ITPR3: variants seen among roughly 807,000 people sequenced by gnomAD.
ITPR3 encodes the protein inositol 1,4,5-trisphosphate receptor type 3.
Under a neutral mutation model 293.2 loss-of-function variants are expected in ITPR3, and 173 were observed. The ratio of observed to expected loss-of-function variants is 0.59; its 90% confidence interval spans 0.52 to 0.67. The LOEUF (loss-of-function observed/expected upper bound fraction) is 0.67, where lower values mean the gene tolerates loss of function less well. Among genes scored for constraint, ITPR3 ranks in the 30% least tolerant of loss-of-function variants. The pLI is 0.00. For synonymous variants in ITPR3, 1,295 were observed against 1,444.4 expected (o/e 0.90, Z 2.35); for missense variants, 2,796 against 3,592.1 (o/e 0.78, Z 5.66).
Position 33,672,925 on chromosome 6 carries a change from A to G in ITPR3, c.2929-666A>G, listed in dbSNP as rs1335225979. 6.6e-6 allele frequency among the ~76,000 whole-genome samples: 1 copy of G among 152,102 alleles called. No individual in the cohort carries two copies. Among genetic ancestry groups the G allele is most frequent in the African/African-American group, 2.4e-5 (1 of 41,426 alleles). ...GGCTCATCCCCGAGGAGGGATGAGGATGCTTGCTTTTGCCTTGCTGTCACC... is the reference window on the plus strand; with the variant it reads ...GGCTCATCCCCGAGGAGGGATGAGGGTGCTTGCTTTTGCCTTGCTGTCACC... On this transcript the variant is annotated intron_variant, in intron 22 of 57. Coordinates refer to ENST00000605930, the MANE Select transcript of ITPR3 (RefSeq NM_002224.4). The surrounding 1 kb of genome is among the most constrained non-coding windows in gnomAD (Gnocchi z 5.0).
chr6:33,645,375 G>A (rs1294919183), intron 2 of ITPR3, among the ~76,000 whole-genome samples: 1 of 152,134 alleles, frequency 6.6e-6, no homozygotes, highest in Non-Finnish European at 1.5e-5. Context: ...AATAAATTCA[G>A]TACTGTTTTT....
chr6:33,673,625 C>T lies in ITPR3; in HGVS notation c.2963C>T (p.Ser988Phe). The T allele has an allele frequency of 1.2e-6, 2 of 1,614,212 alleles. No individual in the cohort carries two copies. Among genetic ancestry groups the T allele is most frequent in the East Asian group, 2.2e-5 (1 of 44,882 alleles). ...ILNVRLDYRI[S>F]YLLSVFKKEF... Reference sequence around the variant, plus strand: ...AATGTCCGCCTGGATTACCGCATATCCTACCTGCTGTCTGTCTTCAAGAAG... The same window carrying T: ...AATGTCCGCCTGGATTACCGCATATTCTACCTGCTGTCTGTCTTCAAGAAG... Residue 988 changes from serine to phenylalanine, a missense_variant, in exon 23 of 58, where the codon TCC (serine) becomes TTC (phenylalanine). Physicochemically the swap from Ser to Phe is radical, Grantham distance 155. This residue lies in a region of ITPR3 where 955 missense variants were observed against 1,180.8 expected (regional missense o/e 0.81). Transcript: ENST00000605930.
In ITPR3 at chr6:33,633,338, G is replaced by T. The variant is rs535214693; in HGVS notation, c.90-7146G>T. Among the ~76,000 whole-genome samples the T allele has an allele frequency of 5.9e-5, 9 of 152,326 alleles. No homozygotes were observed. The South Asian group carries it at 1.7e-3, about 28-fold the overall frequency. ...CCTTGTGGGGAGGCGTTGGCGAGAG[G>T]GGGGTGAAGCGAAGCGGCCACTTAC... is the stretch of plus-strand genomic sequence containing the variant. On this transcript the variant is annotated intron_variant, in intron 1 of 57. Transcript: ENST00000605930. The surrounding 1 kb of genome is among the most constrained non-coding windows in gnomAD (Gnocchi z 5.2).
chr6:33,628,722 C>G (rs6921216), intron 1 of ITPR3, among the ~76,000 whole-genome samples: 130,847 of 152,160 alleles, frequency 0.86, 56,344 homozygotes, highest in East Asian at 0.96. Flanking sequence ...GGCCAGAGTG[C>G]TATGTTTTTT....
intron 39 of ITPR3, 91 bp from the exon 40 acceptor site, chr6:33,685,268 C>T (rs939351177): frequency 1.1e-5 from 14 of 1,269,718 alleles, no homozygotes; most frequent in East Asian, 4.7e-5. Context: ...GCAGCCCCAG[C>T]GGCCCCAGCA....
At chr6:33,657,533 G>A (rs1257673881) in intron 3 of ITPR3, among the ~76,000 whole-genome samples, 1 of 151,730 alleles carries the variant, frequency 6.6e-6, no homozygotes, top group Non-Finnish European at 1.5e-5. Context: ...ACTGGGACAA[G>A]GGTCCCGTGT....
chr6:33,674,165 G>A, intron 23 of ITPR3, 43 bp from the exon 24 acceptor site: 1 of 1,611,462 alleles, frequency 6.2e-7, no homozygotes, highest in Non-Finnish European at 8.5e-7. Flanking sequence ...CTCTTTCCCG[G>A]GCTGGGCCTA....
In ITPR3 at chr6:33,665,126, A is replaced by G. The variant is rs1325499231; in HGVS notation, c.1322A>G (p.Asp441Gly). ...IVSVPVSEIR[D>G]LDFANDASSM... is the part of the protein sequence containing the mutation. ...TCAGTGCCCGTGTCTGAGATCCGAG[A>G]CCTGGACTTTGCCAATGACGCCAGC... Residue 441 changes from aspartate to glycine, a missense_variant, in exon 13 of 58, where the codon GAC becomes GGC. Asp to Gly is a moderately conservative substitution (Grantham distance 94). Coordinates refer to ENST00000605930, the MANE Select transcript of ITPR3 (RefSeq NM_002224.4). The G allele has an allele frequency of 1.2e-6, 2 of 1,614,152 alleles. No homozygotes were observed. The highest frequency in any genetic ancestry group is 1.6e-4 in the Middle Eastern group (1 of 6,062).
chr6:33,670,434 G>C lies in ITPR3; in HGVS notation c.2299G>C (p.Glu767Gln). 1 of 1,614,090 alleles carries C rather than the reference G, an allele frequency of 6.2e-7. No homozygotes were observed. Residue 767 changes from glutamate (E) to glutamine (Q), a missense_variant, in exon 19 of 58, where the codon GAG (glutamate) becomes CAG (glutamine). This residue lies in a region of ITPR3 where 955 missense variants were observed against 1,180.8 expected (regional missense o/e 0.81). Coordinates refer to ENST00000605930, the MANE Select transcript of ITPR3 (RefSeq NM_002224.4). This position sits in a 1 kb window ranked among gnomAD's most constrained non-coding sequence, Gnocchi z 6.7. ...VDLIFLCMAD[E>Q]MLPFDLRASF... ...CCTGATTTTCCTGTGCATGGCAGAC[G>C]AGATGCTGCCCTTTGACCTGCGCGC...
intron 8 of ITPR3, 53 bp from the exon 9 acceptor site, chr6:33,662,858 C>G: frequency 6.5e-7 from 1 of 1,537,650 alleles, no homozygotes; most frequent in Non-Finnish European, 8.8e-7. Flanking sequence ...TGGGGTCTGA[C>G]TCCCCATGCC....
rs200383640 is a variant in ITPR3 at position 33,686,977 on chromosome 6, T to G, written c.5980-32T>G. ...TGTCAGGGGCATGGTGTCCTGAGAC[T>G]GTGGCCTGCCTCCCTCTGCCCCTCC... On this transcript the variant is annotated intron_variant, in intron 43 of 57. Transcript: ENST00000605930. 1.5e-3 allele frequency: 2,350 copies of G among 1,554,888 alleles called. 8 individuals carry two copies. Among genetic ancestry groups the G allele is most frequent in the Admixed American group, 1.6e-3 (96 of 59,636 alleles).
chr6:33,677,035 C>T lies in ITPR3; in HGVS notation c.3468C>T (p.Gly1156=). Residue 1156 remains glycine (G), a synonymous_variant, in exon 27 of 58, where the codon GGC becomes GGT. Coordinates refer to ENST00000605930, the MANE Select transcript of ITPR3 (RefSeq NM_002224.4). The part of the protein sequence containing the change: ...DKKERPTDEE[G]FLHPPGEKSS... Reference sequence around the variant, plus strand: ...TTCAGCGTCCCACGGACGAGGAGGGCTTTCTGCACCCACCAGGGGAGAAAA... The same window carrying T: ...TTCAGCGTCCCACGGACGAGGAGGGTTTTCTGCACCCACCAGGGGAGAAAA... 6.2e-7 allele frequency: 1 copy of T among 1,614,204 alleles called. No homozygotes were observed. The highest frequency in any genetic ancestry group is 8.5e-7 in the Non-Finnish European group (1 of 1,180,030).
chr6:33,682,375 T>G lies in ITPR3; in HGVS notation c.4477-149T>G. ...CACTGCTGAAGGGAATACAAGTACCTTTTTCCAACTGGCACAGAGGCACAT... is the reference window on the plus strand; with the variant it reads ...CACTGCTGAAGGGAATACAAGTACCGTTTTCCAACTGGCACAGAGGCACAT... On this transcript the variant is annotated intron_variant, in intron 33 of 57. Coordinates refer to ENST00000605930, the MANE Select transcript of ITPR3 (RefSeq NM_002224.4). The surrounding 1 kb of genome is among the most constrained non-coding windows in gnomAD (Gnocchi z 5.4). 2.2e-6 allele frequency: 2 copies of G among 914,192 alleles called. No individual in the cohort carries two copies. The highest frequency in any genetic ancestry group is 3.2e-6 in the Non-Finnish European group (2 of 630,458). The allele number at this position is 914,192 out of a possible 1,614,324, so 56.6% of individuals were successfully genotyped here. A position where few individuals can be genotyped will look rare whatever the true frequency, so the allele number is the denominator to read the frequency against.
intron 25 of ITPR3, among the ~76,000 whole-genome samples, chr6:33,676,125 C>G (rs1394459780): frequency 1.3e-5 from 2 of 152,272 alleles, no homozygotes; most frequent in African/African-American, 4.8e-5. Flanking sequence ...AGCATGCAGA[C>G]AACCCTCACT....
At chr6:33,626,027 C>T (rs1763541943) in intron 1 of ITPR3, among the ~76,000 whole-genome samples, 1 of 152,140 alleles carries the variant, frequency 6.6e-6, no homozygotes, top group African/African-American at 2.4e-5. Flanking sequence ...CTTAATCTCC[C>T]AGGCTCAAGC....
intron 1 of ITPR3, among the ~76,000 whole-genome samples, chr6:33,635,379 G>C (rs1763795815): frequency 6.6e-6 from 1 of 152,140 alleles, no homozygotes; most frequent in Non-Finnish European, 1.5e-5. Flanking sequence ...TTTGCTTCTT[G>C]TGTACTTTAC....
At chr6:33,645,060 T>C (rs1299660061) in intron 2 of ITPR3, among the ~76,000 whole-genome samples, 1 of 151,538 alleles carries the variant, frequency 6.6e-6, no homozygotes, top group Admixed American at 6.6e-5. Flanking sequence ...TGGCCAGGCA[T>C]AGTGGCTCAC....
At chr6:33,656,071 A>G (rs1457269975) in intron 3 of ITPR3, among the ~76,000 whole-genome samples, 184 bp downstream of exon 3, 2 of 152,120 alleles carry the variant, frequency 1.3e-5, no homozygotes, top group Non-Finnish European at 2.9e-5. Context: ...AGGCAGGAGG[A>G]TTGCTTGAGG....
At position 33,689,192 on chromosome 6, in the gene ITPR3, G is replaced by A. The variant is rs2296739; in HGVS notation, c.6695-46G>A. The A allele has an allele frequency of 0.46, 739,612 of 1,595,394 alleles. 183,086 individuals carry two copies. The highest frequency in any genetic ancestry group is 0.82 in the East Asian group (36,772 of 44,716). On this transcript the variant is annotated intron_variant, in intron 49 of 57. Coordinates refer to ENST00000605930, the MANE Select transcript of ITPR3 (RefSeq NM_002224.4). Reference sequence around the variant, plus strand: ...CACCTGTTGGACCTGCTCTGGGGCCGTGGTGGGCTTGAGGGAGCCCTGCTC... The same window carrying A: ...CACCTGTTGGACCTGCTCTGGGGCCATGGTGGGCTTGAGGGAGCCCTGCTC...
Sources: allele counts gnomAD v4.1 joint callset (sites outside exome capture counted in the v4.1 genomes callset), GRCh38; gene constraint gnomAD v4.1.1; regional missense constraint gnomAD v4.1.1; non-coding constraint Gnocchi (gnomAD v3.1); transcripts MANE v1.5; gene names NCBI Gene and HGNC (gene_info 2026-07-23, HGNC 2026-07-21).